NEK6: variants seen among roughly 807,000 people sequenced by gnomAD.
The protein encoded by NEK6 is serine/threonine-protein kinase Nek6.
A neutral mutation model predicts 43.5 loss-of-function variants in NEK6; 27 were observed. The ratio of observed to expected loss-of-function variants is 0.62; its 90% CI spans 0.46 to 0.86. The LOEUF (loss-of-function observed/expected upper bound fraction) is 0.86, where lower values mean the gene tolerates loss of function less well. Among genes scored for constraint, NEK6 ranks in the 40% least tolerant of loss-of-function variants. The pLI is 0.00. For missense variants in NEK6, 318 were observed against 414.4 expected (o/e 0.77, Z 2.02); for synonymous variants, 167 against 164.1 (o/e 1.02, Z -0.14).
chr9:124,344,325 C>T (rs1829804930), intron 8 of NEK6, among the ~76,000 whole-genome samples: 1 of 152,232 alleles, frequency 6.6e-6, no homozygotes, highest in Non-Finnish European at 1.5e-5. Flanking sequence ...TTGGGGCCCA[C>T]CATTGAGTCC....
intron 2 of NEK6, among the ~76,000 whole-genome samples, chr9:124,309,401 C>T (rs1273742609): frequency 1.3e-5 from 2 of 152,198 alleles, no homozygotes; most frequent in East Asian, 1.9e-4. Flanking sequence ...TTGGGAACCC[C>T]GGCCAGACTC....
intron 7 of NEK6, among the ~76,000 whole-genome samples, chr9:124,329,825 C>T (rs758877691): frequency 5.9e-5 from 9 of 152,240 alleles, no homozygotes; most frequent in South Asian, 2.1e-4. Flanking sequence ...CTTGCACACA[C>T]GTTTGGTTGG....
In NEK6 at chr9:124,343,950, T is replaced by C. The variant is rs978113677; in HGVS notation, c.718-3759T>C. On this transcript the variant is annotated intron_variant, in intron 8 of 9. Transcript: ENST00000320246. This position sits in a 1 kb window ranked among gnomAD's most constrained non-coding sequence, Gnocchi z 5.1. ...TTACTCTCTTAGATCTCGAGGATTC[T>C]GGAGGCCAGATGTCCAAAATCAGTC... 3.3e-5 allele frequency among the ~76,000 whole-genome samples: 5 copies of C among 152,238 alleles called. No homozygotes were observed. The highest frequency in any genetic ancestry group is 5.9e-5 in the Non-Finnish European group (4 of 68,042).
At chr9:124,298,089 G>A (rs1013620689) in intron 1 of NEK6, among the ~76,000 whole-genome samples, 7 of 152,180 alleles carry the variant, frequency 4.6e-5, no homozygotes, top group Non-Finnish European at 5.9e-5. Flanking sequence ...CAGCCTAATG[G>A]CATCGAGCCT....
At chr9:124,320,065 G>T (rs1335617519) in intron 4 of NEK6, among the ~76,000 whole-genome samples, 2 of 152,238 alleles carry the variant, frequency 1.3e-5, no homozygotes, top group African/African-American at 2.4e-5. Flanking sequence ...CTGCACCTGC[G>T]TCCTCAGCTG....
At chr9:124,291,600 TGGGCAACAAGAGC>T (rs1022750168) in intron 1 of NEK6, among the ~76,000 whole-genome samples, 2 of 152,188 alleles carry the variant, frequency 1.3e-5, no homozygotes, top group African/African-American at 4.8e-5. Context: ...TACTCCAGCC[TGGGCAACAAGAGC>T]GAAACTCCAT....
At chr9:124,321,790 T>G (rs2130917769) in intron 5 of NEK6, among the ~76,000 whole-genome samples, 1 of 152,316 alleles carries the variant, frequency 6.6e-6, no homozygotes, top group African/African-American at 2.4e-5. Flanking sequence ...GCCTCTTTCT[T>G]TCCACTGGCC....
chr9:124,337,385 C>T (rs1224770155), intron 7 of NEK6, among the ~76,000 whole-genome samples: 1 of 152,212 alleles, frequency 6.6e-6, no homozygotes, highest in Non-Finnish European at 1.5e-5. Flanking sequence ...CCATTAACAC[C>T]TTTTTCCTCA....
chr9:124,308,672 A>C (rs1383389864), intron 2 of NEK6, among the ~76,000 whole-genome samples: 4 of 152,106 alleles, frequency 2.6e-5, no homozygotes, highest in South Asian at 4.1e-4. Context: ...AAAAAAAAAA[A>C]AAACCAGTTT....
At chr9:124,277,646 G>A (rs573206454) in intron 1 of NEK6, among the ~76,000 whole-genome samples, 2 of 152,208 alleles carry the variant, frequency 1.3e-5, no homozygotes, top group South Asian at 4.1e-4. Flanking sequence ...CACTGCCTGG[G>A]GAGAGGAAGG....
At chr9:124,280,652 A>T (rs1419173969) in intron 1 of NEK6, among the ~76,000 whole-genome samples, 1 of 152,206 alleles carries the variant, frequency 6.6e-6, no homozygotes, top group African/African-American at 2.4e-5. Flanking sequence ...TTGGAAAGCT[A>T]TTCCTGGAGC....
chr9:124,305,049 A>G (rs1487340059), intron 2 of NEK6, among the ~76,000 whole-genome samples: 3 of 152,234 alleles, frequency 2.0e-5, no homozygotes, highest in Non-Finnish European at 4.4e-5. Context: ...AGCCCCGGCT[A>G]ATGTGTCTTC....
chr9:124,316,644 G>T (rs1056690096), intron 4 of NEK6, among the ~76,000 whole-genome samples: 3 of 152,190 alleles, frequency 2.0e-5, no homozygotes, highest in African/African-American at 7.2e-5. Context: ...TCTAGACTCA[G>T]CTCGGCCCCT....
At position 124,321,505 on chromosome 9, in the gene NEK6, A is replaced by G. The variant is rs370008827; in HGVS notation, c.341A>G (p.Glu114Gly). ...NIIKYLDSFI[E>G]DNELNIVLEL... ...ATCAAGTATTTGGACTCGTTTATCG[A>G]AGACAACGAGCTGAACATTGTGCTG... The change falls in exon 5 of 10, where the codon GAA becomes GGA. Residue 114 changes from glutamate to glycine, a missense_variant. By Grantham distance (98) the Glu-to-Gly change is moderately conservative (BLOSUM62 -2). Around this residue, in one of 2 missense-constraint regions of NEK6, gnomAD observed 239 missense variants for 344.4 expected, o/e 0.69. Coordinates refer to ENST00000320246, the MANE Select transcript of NEK6 (RefSeq NM_014397.6). The G allele has an allele frequency of 1.2e-6, 2 of 1,613,972 alleles. No individual in the cohort carries two copies. Among genetic ancestry groups the G allele is most frequent in the African/African-American group, 2.7e-5 (2 of 74,928 alleles).
intron 9 of NEK6, among the ~76,000 whole-genome samples, chr9:124,350,200 G>A (rs992206822): frequency 3.9e-5 from 6 of 152,198 alleles, no homozygotes; most frequent in Admixed American, 2.6e-4. Flanking sequence ...CTGTGAGCCC[G>A]TGATGCAGGG....
In NEK6 at chr9:124,324,270, C is replaced by T. The variant is rs987132165; in HGVS notation, c.406-2060C>T. Among the ~76,000 whole-genome samples, 1 of 152,186 alleles carries T rather than the reference C, an allele frequency of 6.6e-6. No homozygotes were observed. The highest frequency in any genetic ancestry group is 1.5e-5 in the Non-Finnish European group (1 of 68,022). On this transcript the variant is annotated intron_variant, in intron 5 of 9. Coordinates refer to ENST00000320246, the MANE Select transcript of NEK6 (RefSeq NM_014397.6). This position sits in a 1 kb window ranked among gnomAD's most constrained non-coding sequence, Gnocchi z 5.3. ...GGGAGCTCGGTTCCCCTGGTTCTGC[C>T]TGCTCTCAGGCCACCTCTGGGTTTC...
At chr9:124,304,135 C>T (rs1833137215) in intron 2 of NEK6, among the ~76,000 whole-genome samples, 4 of 152,348 alleles carry the variant, frequency 2.6e-5, no homozygotes, top group South Asian at 4.1e-4. Flanking sequence ...AGAATGGGGG[C>T]GCAAGGCCAC....
chr9:124,305,553 CA>C lies in NEK6; in HGVS notation c.90+3515del, dbSNP rs11445181. ...TGGGCAACAGAGTGAGACCCCATCT[CA>C]AAAAAAAAAAAAAAAGAAAAAGAAA... is the stretch of plus-strand genomic sequence containing the variant. On this transcript the variant is annotated intron_variant, in intron 2 of 9. Coordinates refer to ENST00000320246, the MANE Select transcript of NEK6 (RefSeq NM_014397.6). Among the ~76,000 whole-genome samples, 600 of 123,668 alleles carry C rather than the reference CA, an allele frequency of 4.9e-3. 3 individuals are homozygous for C. The highest frequency in any genetic ancestry group is 0.015 in the African/African-American group (470 of 31,320). 81.1% of individuals were successfully genotyped at this position (123,668 alleles called of 152,430 possible). A position where few individuals can be genotyped will look rare whatever the true frequency, so the allele number is the denominator to read the frequency against.
upstream of NEK6, chr9:124,257,917 G>A: frequency 1.0e-6 from 1 of 967,794 alleles, no homozygotes; most frequent in Non-Finnish European, 1.2e-6. Flanking sequence ...CGGCGGGGAG[G>A]GGCGGGCGCG....
Sources: gnomAD v4.1 joint callset for allele counts (sites outside exome capture counted in the v4.1 genomes callset) on GRCh38, gnomAD v4.1.1 for gene constraint, gnomAD v4.1.1 regional missense constraint, Gnocchi (gnomAD v3.1) non-coding constraint, MANE v1.5 for transcripts, NCBI Gene and HGNC (gene_info 2026-07-23, HGNC 2026-07-21) for gene names.